The following CCDC148 variants were observed in gnomAD, a reference collection of about 807,000 sequenced individuals.
CCDC148 encodes coiled-coil domain containing 148.
Under a neutral mutation model 85.7 loss-of-function variants are expected in CCDC148, and 89 were observed. That is an observed-to-expected ratio of 1.04 (90% CI 0.87 to 1.24). The LOEUF (loss-of-function observed/expected upper bound fraction) is 1.24, where lower values mean the gene tolerates loss of function less well. Among genes scored for constraint, CCDC148 ranks in the 50% most tolerant of loss-of-function variants. The probability of loss-of-function intolerance (pLI) is 0.00; values close to 1 mark genes in which losing one functional copy is unlikely to be tolerated. For missense variants in CCDC148, 692 were observed against 671.7 expected, an observed-to-expected ratio of 1.03 and a Z score of -0.33; for synonymous variants, 230 against 213.9, an observed-to-expected ratio of 1.08 and a Z score of -0.66.
chr2:158,446,630 G>C (rs985867080), intron 1 of CCDC148, among the ~76,000 whole-genome samples: 1 of 151,674 alleles, frequency 6.6e-6, no homozygotes, highest in Admixed American at 6.6e-5. Flanking sequence ...AGCTTTATTG[G>C]GGTCTAATTT....
At chr2:158,181,407 G>A (rs1442208837) in intron 11 of CCDC148, among the ~76,000 whole-genome samples, 1 of 152,098 alleles carries the variant, frequency 6.6e-6, no homozygotes, top group Non-Finnish European at 1.5e-5. Context: ...GTTAGGCACT[G>A]GTGATACAAC....
chr2:158,196,327 C>T (rs950909504), intron 11 of CCDC148, among the ~76,000 whole-genome samples: 2 of 152,048 alleles, frequency 1.3e-5, no homozygotes, highest in African/African-American at 4.8e-5. Flanking sequence ...ACATCTCTTC[C>T]CATCTCTGTG....
intron 1 of CCDC148, among the ~76,000 whole-genome samples, chr2:158,407,736 C>A: frequency 6.6e-6 from 1 of 152,116 alleles, no homozygotes; most frequent in Non-Finnish European, 1.5e-5. Flanking sequence ...CTGGAATTCA[C>A]TATTATATGT....
At chr2:158,276,739 G>A (rs1689965090) in intron 9 of CCDC148, among the ~76,000 whole-genome samples, 1 of 152,178 alleles carries the variant, frequency 6.6e-6, no homozygotes, top group African/African-American at 2.4e-5. Context: ...TTGAAATTGT[G>A]AAGAAGGCAT....
At chr2:158,283,081 G>T (rs1352575604) in intron 9 of CCDC148, among the ~76,000 whole-genome samples, 2 of 152,186 alleles carry the variant, frequency 1.3e-5, no homozygotes, top group African/African-American at 4.8e-5. Context: ...GCCATATGTA[G>T]AAAGCTGAAA....
chr2:158,191,798 T>C (rs1685437353), intron 11 of CCDC148, among the ~76,000 whole-genome samples: 1 of 151,682 alleles, frequency 6.6e-6, no homozygotes, highest in Non-Finnish European at 1.5e-5. Context: ...TCACTGTTCC[T>C]TTTTTTTCTT....
chr2:158,256,371 T>C (rs910649569), intron 9 of CCDC148, among the ~76,000 whole-genome samples: 1 of 151,776 alleles, frequency 6.6e-6, no homozygotes, highest in African/African-American at 2.4e-5. Context: ...ATTATTCTGA[T>C]ACCATATTTT....
At chr2:158,327,721 T>G (rs1692852945) in intron 7 of CCDC148, among the ~76,000 whole-genome samples, 1 of 152,224 alleles carries the variant, frequency 6.6e-6, no homozygotes, top group African/African-American at 2.4e-5. Context: ...ATTTTATTGA[T>G]ATCGTTAAAT....
chr2:158,181,545 G>C (rs1684904411), intron 11 of CCDC148, among the ~76,000 whole-genome samples: 1 of 152,100 alleles, frequency 6.6e-6, no homozygotes, highest in East Asian at 1.9e-4. Flanking sequence ...CCATGGGAAA[G>C]ACAGCTTTCC....
chr2:158,336,567 T>C (rs925367081), intron 7 of CCDC148, among the ~76,000 whole-genome samples: 1 of 152,150 alleles, frequency 6.6e-6, no homozygotes, highest in Non-Finnish European at 1.5e-5. Context: ...GTATTTTAAG[T>C]TTTATTCAAT....
At chr2:158,398,841 G>GT (rs961985002) in intron 1 of CCDC148, among the ~76,000 whole-genome samples, 2 of 152,126 alleles carry the variant, frequency 1.3e-5, no homozygotes, top group South Asian at 2.1e-4. Context: ...CCAGGAGCTG[G>GT]TTTTTTGAAA....
chr2:158,446,312 A>C (rs907765791), intron 1 of CCDC148, among the ~76,000 whole-genome samples: 2 of 152,038 alleles, frequency 1.3e-5, no homozygotes, highest in South Asian at 4.1e-4. Flanking sequence ...TGGTCACACC[A>C]CAGCACTCTA....
chr2:158,182,637 T>C (rs1684959507), intron 11 of CCDC148, among the ~76,000 whole-genome samples: 1 of 152,106 alleles, frequency 6.6e-6, no homozygotes, highest in Non-Finnish European at 1.5e-5. Context: ...TCCAAAGTGA[T>C]GATCAAGGTT....
At chr2:158,200,935 A>G (rs1281294164) in intron 11 of CCDC148, among the ~76,000 whole-genome samples, 1 of 152,198 alleles carries the variant, frequency 6.6e-6, no homozygotes, top group Non-Finnish European at 1.5e-5. Flanking sequence ...AGCATTTATT[A>G]GCTGACACAT....
At chr2:158,192,188 A>G (rs1347597770) in intron 11 of CCDC148, among the ~76,000 whole-genome samples, 1 of 152,074 alleles carries the variant, frequency 6.6e-6, no homozygotes, top group African/African-American at 2.4e-5. Flanking sequence ...GCTTTATTCA[A>G]GTATGGACAG....
Position 158,373,815 on chromosome 2 carries a change from G to C in CCDC148, c.26-15245C>G, listed in dbSNP as rs192070208. ...ATTTTCCTTTGTGGTACATCTCACT[G>C]TGTGGCATTATACTACATATTTATT... On this transcript the variant is annotated intron_variant, in intron 1 of 13. Coordinates refer to ENST00000283233, the MANE Select transcript of CCDC148 (RefSeq NM_138803.4). 2.8e-4 allele frequency among the ~76,000 whole-genome samples: 42 copies of C among 152,108 alleles called. 1 individual carries two copies. In the East Asian group the frequency reaches 7.1e-3, roughly 26 times the overall value.
chr2:158,377,490 A>G (rs1486466590), intron 1 of CCDC148, among the ~76,000 whole-genome samples: 1 of 152,112 alleles, frequency 6.6e-6, no homozygotes, highest in Non-Finnish European at 1.5e-5. Context: ...TTCCCAATCA[A>G]ATTAACAAAA....
chr2:158,429,490 T>C (rs1407237685), intron 1 of CCDC148, among the ~76,000 whole-genome samples: 2 of 152,054 alleles, frequency 1.3e-5, no homozygotes, highest in African/African-American at 2.4e-5. Flanking sequence ...TTAAAAGCAA[T>C]GGCAAGAGAG....
intron 1 of CCDC148, among the ~76,000 whole-genome samples, chr2:158,407,205 C>T (rs2105311322): frequency 6.6e-6 from 1 of 152,262 alleles, no homozygotes; most frequent in Non-Finnish European, 1.5e-5. Context: ...GTTTTCATTC[C>T]TCCCTGAATT....
Sources: allele counts gnomAD v4.1 joint callset (sites outside exome capture counted in the v4.1 genomes callset), GRCh38; gene constraint gnomAD v4.1.1; transcripts MANE v1.5; gene names NCBI Gene and HGNC (gene_info 2026-07-23, HGNC 2026-07-21).